RASGRP1: variants seen among roughly 807,000 people sequenced by gnomAD.
RASGRP1 encodes RAS guanyl releasing protein 1, also known as RAS guanyl-releasing protein 1.
Under a neutral mutation model 95.1 loss-of-function variants are expected in RASGRP1, and 37 were observed. The observed-to-expected ratio is 0.39, with a 90% CI of 0.30 to 0.51. RASGRP1 has a LOEUF of 0.51. RASGRP1 is among the 20% of genes least tolerant of loss of function. The probability of loss-of-function intolerance (pLI) is 0.80; values close to 1 mark genes in which losing one functional copy is unlikely to be tolerated. For synonymous variants in RASGRP1, 325 were observed against 353.4 expected, an observed-to-expected ratio of 0.92 and a Z score of 0.90; for missense variants, 711 against 965.4, an observed-to-expected ratio of 0.74 and a Z score of 3.49.
intron 8 of RASGRP1, among the ~76,000 whole-genome samples, chr15:38,510,291 C>T (rs2141109954): frequency 6.6e-6 from 1 of 152,318 alleles, no homozygotes; most frequent in South Asian, 2.1e-4. Context: ...TCTCTGTCAC[C>T]TCTGAGATGT....
intron 6 of RASGRP1, 138 bp from the exon 7 acceptor site, chr15:38,513,094 C>T (rs1891606212): frequency 1.2e-6 from 1 of 843,004 alleles, no homozygotes; most frequent in Non-Finnish European, 1.7e-6. Flanking sequence ...TCCTGGTGCT[C>T]TTCTGCATCT....
At chr15:38,506,808 A>C (rs1320346120) in intron 9 of RASGRP1, among the ~76,000 whole-genome samples, 2 of 152,106 alleles carry the variant, frequency 1.3e-5, no homozygotes, top group Admixed American at 1.3e-4. Flanking sequence ...GCTTATGTAC[A>C]TTTTTCTGGG....
At chr15:38,498,527 C>A (rs1199255355) in intron 15 of RASGRP1, among the ~76,000 whole-genome samples, 2 of 152,042 alleles carry the variant, frequency 1.3e-5, no homozygotes, top group Non-Finnish European at 2.9e-5. Context: ...ACTATCTTGG[C>A]CAGAAGTCAG....
chr15:38,533,787 G>T (rs1271610482), intron 2 of RASGRP1, among the ~76,000 whole-genome samples: 1 of 152,200 alleles, frequency 6.6e-6, no homozygotes. Flanking sequence ...GTTGCCACCA[G>T]CAGGATGCTT....
chr15:38,509,968 T>C (rs1891435694), intron 8 of RASGRP1, among the ~76,000 whole-genome samples: 1 of 152,126 alleles, frequency 6.6e-6, no homozygotes, highest in Non-Finnish European at 1.5e-5. Context: ...CACTGGGAGA[T>C]GGCAAGAGAG....
Position 38,546,448 on chromosome 15 carries a change from G to A in RASGRP1, c.220+13373C>T, listed in dbSNP as rs569168181. Among the ~76,000 whole-genome samples the A allele has an allele frequency of 3.3e-5, 5 of 152,158 alleles. No individual in the cohort carries two copies. In the South Asian group the frequency reaches 6.2e-4, roughly 19 times the overall value. On this transcript the variant is annotated intron_variant, in intron 2 of 16. Transcript: ENST00000310803. ...TCACCATGTTGGCCAGGATGGTTTC[G>A]ATCTCTTGACCTCACGATTCGCCTG...
chr15:38,547,772 C>T (rs1295704060), intron 2 of RASGRP1, among the ~76,000 whole-genome samples: 5 of 152,264 alleles, frequency 3.3e-5, no homozygotes, highest in East Asian at 1.9e-4. Flanking sequence ...TGCCATGTGA[C>T]GTGGCCTCCA....
chr15:38,525,199 C>T (rs1892168710), intron 3 of RASGRP1, among the ~76,000 whole-genome samples: 1 of 152,094 alleles, frequency 6.6e-6, no homozygotes, highest in African/African-American at 2.4e-5. Context: ...AACTCCTGAC[C>T]TTAAGTGATC....
intron 2 of RASGRP1, among the ~76,000 whole-genome samples, chr15:38,529,526 TCTAAA>T (rs1892358417): frequency 6.6e-6 from 1 of 152,248 alleles, no homozygotes; most frequent in Non-Finnish European, 1.5e-5. Context: ...AGAAGTCTTT[TCTAAA>T]CTACCTAAGG....
At chr15:38,493,973 TC>T (rs1209578075) in intron 16 of RASGRP1, among the ~76,000 whole-genome samples, 1 of 152,174 alleles carries the variant, frequency 6.6e-6, no homozygotes, top group Non-Finnish European at 1.5e-5. Flanking sequence ...TTAGGCAAGT[TC>T]ATTTTAGTTC....
At chr15:38,557,708 G>GT (rs1223598499) in intron 2 of RASGRP1, among the ~76,000 whole-genome samples, 1 of 151,882 alleles carries the variant, frequency 6.6e-6, no homozygotes, top group African/African-American at 2.4e-5. Context: ...TTTGGTCGCT[G>GT]TAATTCTTCT....
chr15:38,553,791 C>G (rs913652811), intron 2 of RASGRP1, among the ~76,000 whole-genome samples: 3 of 152,180 alleles, frequency 2.0e-5, no homozygotes, highest in Non-Finnish European at 4.4e-5. Flanking sequence ...GGTTTCAGAC[C>G]TGCTCTTAGG....
chr15:38,500,114 T>C lies in RASGRP1; in HGVS notation c.1709A>G (p.Tyr570Cys), dbSNP rs1049857089. 12 of 1,613,216 alleles carry C rather than the reference T, an allele frequency of 7.4e-6. No individual in the cohort carries two copies. Among genetic ancestry groups the C allele is most frequent in the Non-Finnish European group, 1.0e-5 (12 of 1,179,668 alleles). Residue 570 changes from tyrosine (Y) to cysteine (C), a missense_variant, in exon 14 of 17, where the codon TAT becomes TGT. Coordinates refer to ENST00000310803, the MANE Select transcript of RASGRP1 (RefSeq NM_005739.4). ...GFLWGVIKQG[Y>C]RCKDCGMNCH... ...ATATTGAGTCTTACCTTTACATCGA[T>C]ATCCTTGTTTGATCACTCCCCAGAG...
intron 2 of RASGRP1, among the ~76,000 whole-genome samples, chr15:38,539,006 G>A (rs1217062667): frequency 2.6e-5 from 4 of 152,070 alleles, no homozygotes; most frequent in East Asian, 3.9e-4. Flanking sequence ...CTCCTCACAC[G>A]TTGCCTCATC....
intron 2 of RASGRP1, among the ~76,000 whole-genome samples, chr15:38,530,503 G>GT (rs570088500): frequency 2.0e-5 from 3 of 152,178 alleles, no homozygotes; most frequent in Non-Finnish European, 4.4e-5. Context: ...TGACAATACA[G>GT]TCTTTACAGT....
chr15:38,558,662 AAAC>A lies in RASGRP1; in HGVS notation c.220+1156_220+1158del, dbSNP rs1893673932. Among the ~76,000 whole-genome samples the A allele has an allele frequency of 5.9e-5, 9 of 152,330 alleles. No individual in the cohort carries two copies. The South Asian group carries it at 1.9e-3, about 32-fold the overall frequency. On this transcript the variant is annotated intron_variant, in intron 2 of 16. Transcript: ENST00000310803. ...AAAACAAAACAAAGAAACAAACAAAAAACAGCCTCCATGTGTGATTCTGACACT... is the reference window on the plus strand; with the variant it reads ...AAAACAAAACAAAGAAACAAACAAAAAGCCTCCATGTGTGATTCTGACACT...
intron 8 of RASGRP1, 76 bp from the exon 9 acceptor site, chr15:38,508,077 T>G: frequency 6.8e-7 from 1 of 1,464,204 alleles, no homozygotes; most frequent in Non-Finnish European, 9.2e-7. Context: ...CTTGCATGTT[T>G]GCATCCTGTG....
chr15:38,557,593 GTATA>G (rs1202765009), intron 2 of RASGRP1, among the ~76,000 whole-genome samples: 1 of 139,498 alleles, frequency 7.2e-6, no homozygotes, highest in Non-Finnish European at 1.5e-5. Context: ...CCTGTCCTTT[GTATA>G]TATATGTGTG....
At position 38,516,338 on chromosome 15, in the gene RASGRP1, G is replaced by C; in HGVS notation, c.534C>G (p.Asp178Glu). The C allele has an allele frequency of 1.2e-6, 2 of 1,611,032 alleles. No individual in the cohort carries two copies. Among genetic ancestry groups the C allele is most frequent in the Non-Finnish European group, 1.7e-6 (2 of 1,177,280 alleles). The stretch of plus-strand genomic sequence containing the variant: ...TCCTTTGAGTAAGTTTCCTGGACCA[G>C]TCACGGGCATTGCTTTTGTGGGTAA... ...LIDTTQINAR[D>E]WSRKLTQRIK... Residue 178 changes from aspartate (D) to glutamate (E), a missense_variant, in exon 6 of 17, where the codon GAC becomes GAG. By Grantham distance (45) the Asp-to-Glu change is conservative. Coordinates refer to ENST00000310803, the MANE Select transcript of RASGRP1 (RefSeq NM_005739.4).
Sources: allele counts gnomAD v4.1 joint callset (sites outside exome capture counted in the v4.1 genomes callset), GRCh38; gene constraint gnomAD v4.1.1; transcripts MANE v1.5; gene names NCBI Gene and HGNC (gene_info 2026-07-23, HGNC 2026-07-21).